PCDH9: variants seen among roughly 807,000 people sequenced by gnomAD.
PCDH9 encodes protocadherin 9, also known as protocadherin-9.
PCDH9 carries 24 observed loss-of-function variants against 70.6 expected under a neutral mutation model. The observed-to-expected ratio is 0.34, with a 90% CI of 0.25 to 0.48. The LOEUF is 0.48. Among genes scored for constraint, PCDH9 ranks in the 20% least tolerant of loss-of-function variants. PCDH9 has a pLI of 0.99. For missense variants in PCDH9, 1,281 were observed against 1,503.6 expected (o/e 0.85, Z 2.45); for synonymous variants, 562 against 558.5 (o/e 1.01, Z -0.09).
intron 4 of PCDH9, among the ~76,000 whole-genome samples, chr13:66,396,592 G>T (rs970601061): frequency 6.6e-6 from 1 of 151,886 alleles, no homozygotes; most frequent in African/African-American, 2.4e-5. Flanking sequence ...TAGACAGACA[G>T]ATAGATAGAC....
chr13:66,472,329 G>A (rs1958635743), intron 4 of PCDH9, among the ~76,000 whole-genome samples: 1 of 152,092 alleles, frequency 6.6e-6, no homozygotes, highest in Non-Finnish European at 1.5e-5. Flanking sequence ...CAGAACTTTG[G>A]GAGGCTGAGG....
At chr13:66,963,628 T>C (rs934833487) in intron 2 of PCDH9, among the ~76,000 whole-genome samples, 2 of 152,216 alleles carry the variant, frequency 1.3e-5, no homozygotes, top group Admixed American at 6.5e-5. Context: ...CCCGTTTAAA[T>C]AATGCAGAGA....
chr13:66,949,327 A>T (rs2083140340), intron 2 of PCDH9, among the ~76,000 whole-genome samples: 2 of 152,252 alleles, frequency 1.3e-5, no homozygotes, highest in Admixed American at 1.3e-4. Flanking sequence ...GTTCATCATT[A>T]AAAAGCCTTT....
intron 2 of PCDH9, among the ~76,000 whole-genome samples, chr13:66,942,386 A>C (rs2083019924): frequency 6.6e-6 from 1 of 151,960 alleles, no homozygotes; most frequent in Admixed American, 6.6e-5. Context: ...TTTGATGAAT[A>C]GATGAATTCA....
chr13:66,576,903 T>G (rs1264565860), intron 4 of PCDH9, among the ~76,000 whole-genome samples: 1 of 152,050 alleles, frequency 6.6e-6, no homozygotes, highest in East Asian at 1.9e-4. Context: ...ATCAGTGCAG[T>G]ATATTTATTT....
chr13:66,304,922 A>G lies in PCDH9; in HGVS notation c.3447T>C (p.Gly1149=), dbSNP rs1336911849. 4.3e-6 allele frequency: 7 copies of G among 1,613,488 alleles called. No homozygotes were observed. The highest frequency in any genetic ancestry group is 5.9e-6 in the Non-Finnish European group (7 of 1,179,730). The stretch of plus-strand genomic sequence containing the variant: ...GAGGAGATTTGGGGTGTTGATATGG[A>G]CCCAAGCCAGGAGGCATCCAGCAAT... ...SDNCWMPPGL[G]PYQHPKSPLS... is the part of the protein sequence containing the mutation. Residue 1149 remains glycine (G), a synonymous_variant, in exon 5 of 5, where the codon GGT becomes GGC. Coordinates refer to ENST00000377865, the MANE Select transcript of PCDH9 (RefSeq NM_203487.3).
At chr13:66,351,871 C>T (rs1291924259) in intron 4 of PCDH9, among the ~76,000 whole-genome samples, 5 of 149,196 alleles carry the variant, frequency 3.4e-5, no homozygotes, top group Admixed American at 2.0e-4. Context: ...CAGAGATTCA[C>T]TCTTATTGCC....
intron 2 of PCDH9, among the ~76,000 whole-genome samples, chr13:66,941,472 T>C (rs1230359380): frequency 6.6e-6 from 1 of 151,646 alleles, no homozygotes; most frequent in African/African-American, 2.4e-5. Context: ...CCATAATGAA[T>C]AAAAAGCAAT....
At chr13:66,848,754 C>T (rs2081256869) in intron 3 of PCDH9, among the ~76,000 whole-genome samples, 1 of 151,736 alleles carries the variant, frequency 6.6e-6, no homozygotes, top group African/African-American at 2.4e-5. Context: ...CGGTGAAACC[C>T]CGTCTCTATT....
intron 3 of PCDH9, among the ~76,000 whole-genome samples, chr13:66,713,068 T>C (rs2078816896): frequency 6.6e-6 from 1 of 152,200 alleles, no homozygotes; most frequent in Admixed American, 6.5e-5. Flanking sequence ...TGTTTTCAAA[T>C]GGCACATTAA....
chr13:66,469,289 G>A (rs780509345), intron 4 of PCDH9, among the ~76,000 whole-genome samples: 3 of 152,024 alleles, frequency 2.0e-5, no homozygotes, highest in Middle Eastern at 3.4e-3. Flanking sequence ...ATTTTGCTGC[G>A]ACAAAACCAC....
intron 3 of PCDH9, among the ~76,000 whole-genome samples, chr13:66,867,729 T>C (rs1274667664): frequency 6.6e-6 from 1 of 152,102 alleles, no homozygotes. Flanking sequence ...AAAAACCTTA[T>C]AATGTTCATA....
chr13:67,194,204 A>G (rs902952592), intron 2 of PCDH9, among the ~76,000 whole-genome samples: 2 of 152,112 alleles, frequency 1.3e-5, no homozygotes, highest in African/African-American at 4.8e-5. Flanking sequence ...TGACTTGTTG[A>G]TTACTGCACT....
At chr13:66,444,328 T>C (rs953977236) in intron 4 of PCDH9, among the ~76,000 whole-genome samples, 2 of 152,292 alleles carry the variant, frequency 1.3e-5, no homozygotes, top group Non-Finnish European at 2.9e-5. Flanking sequence ...CTGAGACTGA[T>C]TTCATCAGTT....
intron 4 of PCDH9, among the ~76,000 whole-genome samples, chr13:66,544,520 T>C (rs1750686546): frequency 6.6e-6 from 1 of 152,130 alleles, no homozygotes; most frequent in Non-Finnish European, 1.5e-5. Context: ...CCAGTGGTGT[T>C]AGGAATCTTT....
At chr13:66,716,215 A>G (rs913425007) in intron 3 of PCDH9, among the ~76,000 whole-genome samples, 5 of 152,214 alleles carry the variant, frequency 3.3e-5, no homozygotes, top group African/African-American at 1.2e-4. Context: ...ATTATCTGCT[A>G]ATATAAAGAG....
chr13:66,458,870 T>C (rs1958368309), intron 4 of PCDH9, among the ~76,000 whole-genome samples: 1 of 152,008 alleles, frequency 6.6e-6, no homozygotes. Context: ...CATTACTGTA[T>C]TAAATTTCTC....
intron 2 of PCDH9, among the ~76,000 whole-genome samples, chr13:67,036,272 A>G (rs2085007445): frequency 6.6e-6 from 1 of 152,158 alleles, no homozygotes; most frequent in Admixed American, 6.6e-5. Flanking sequence ...TTTTGTCCCC[A>G]CTGTTTCATA....
At chr13:66,855,641 T>C (rs1031180703) in intron 3 of PCDH9, among the ~76,000 whole-genome samples, 5 of 152,028 alleles carry the variant, frequency 3.3e-5, no homozygotes, top group Admixed American at 6.6e-5. Flanking sequence ...CTCTTAATTA[T>C]GTGTTATTAT....
Sources: gnomAD v4.1 joint callset for allele counts (sites outside exome capture counted in the v4.1 genomes callset) on GRCh38, gnomAD v4.1.1 for gene constraint, MANE v1.5 for transcripts, NCBI Gene and HGNC (gene_info 2026-07-23, HGNC 2026-07-21) for gene names.